Variants in MIR2052HG observed in about 807,000 individuals in gnomAD.
The protein encoded by MIR2052HG is MIR2052 host gene.
chr8:74,728,746 G>A (rs1022601792), intron 4 of MIR2052HG, among the ~76,000 whole-genome samples: 2 of 152,124 alleles, frequency 1.3e-5, no homozygotes, highest in Non-Finnish European at 2.9e-5. Context: ...AAAATACGGA[G>A]TATTCAAAGC....
chr8:74,694,714 A>G (rs1809278164), intron 2 of MIR2052HG, among the ~76,000 whole-genome samples: 1 of 152,194 alleles, frequency 6.6e-6, no homozygotes, highest in African/African-American at 2.4e-5. Context: ...AGTCTCAACA[A>G]TAGAATCAAA....
intron 5 of MIR2052HG, among the ~76,000 whole-genome samples, chr8:74,752,967 A>C (rs932069849): frequency 1.1e-4 from 17 of 152,236 alleles, no homozygotes; most frequent in African/African-American, 4.1e-4. Flanking sequence ...TTAGCTCTGC[A>C]GACTGAAAGA....
At chr8:74,619,693 G>A (rs1356283551) in intron 2 of MIR2052HG, among the ~76,000 whole-genome samples, 1 of 152,142 alleles carries the variant, frequency 6.6e-6, no homozygotes, top group African/African-American at 2.4e-5. Flanking sequence ...AAGGGAAACA[G>A]CCCCTATGAT....
At chr8:74,744,478 C>G (rs112237735) in intron 4 of MIR2052HG, among the ~76,000 whole-genome samples, 19 of 151,530 alleles carry the variant, frequency 1.3e-4, no homozygotes, top group African/African-American at 4.1e-4. Context: ...GTCCCCCCTC[C>G]CCCTACCCCA....
At chr8:74,604,795 CAT>C (rs1808088242) in intron 1 of MIR2052HG, among the ~76,000 whole-genome samples, 1 of 151,766 alleles carries the variant, frequency 6.6e-6, no homozygotes, top group Admixed American at 6.6e-5. Context: ...GGTTTCACCA[CAT>C]TAGTCAGGCT....
chr8:74,675,823 A>G (rs148420494), intron 2 of MIR2052HG, among the ~76,000 whole-genome samples: 1,661 of 152,082 alleles, frequency 0.011, 24 homozygotes, highest in African/African-American at 0.032. Context: ...CTGAAATCAC[A>G]CTATCTAATG....
chr8:74,677,673 T>C (rs554709944), intron 2 of MIR2052HG, among the ~76,000 whole-genome samples: 22 of 152,152 alleles, frequency 1.4e-4, no homozygotes, highest in Non-Finnish European at 1.8e-4. Context: ...TCAAGACTTA[T>C]AGTATAGTAT....
intron 4 of MIR2052HG, among the ~76,000 whole-genome samples, chr8:74,743,310 T>C (rs1243307200): frequency 6.6e-6 from 1 of 152,180 alleles, no homozygotes; most frequent in South Asian, 2.1e-4. Context: ...AGTGAGGTTA[T>C]AGCATGTTTG....
At chr8:74,681,503 T>C (rs1051005935) in intron 2 of MIR2052HG, among the ~76,000 whole-genome samples, 1 of 152,118 alleles carries the variant, frequency 6.6e-6, no homozygotes, top group South Asian at 2.1e-4. Flanking sequence ...GCAACTACCA[T>C]GGTTTCAATT....
At chr8:74,706,526 A>G (rs915433288) in intron 4 of MIR2052HG, among the ~76,000 whole-genome samples, 16 of 152,106 alleles carry the variant, frequency 1.1e-4, no homozygotes, top group Admixed American at 8.5e-4. Flanking sequence ...TGTTAGTCCA[A>G]CTCCCAAGAT....
intron 4 of MIR2052HG, among the ~76,000 whole-genome samples, chr8:74,714,698 C>CTTTTTTTTTTTTTTTTTTT (rs10715580): frequency 8.0e-6 from 1 of 124,440 alleles, no homozygotes. Flanking sequence ...CTTTTTCCTT[C>CTTTTTTTTTTTTTTTTTTT]TTTTTTTTTT....
At chr8:74,745,264 A>C (rs1809872161) in intron 4 of MIR2052HG, among the ~76,000 whole-genome samples, 1 of 152,170 alleles carries the variant, frequency 6.6e-6, no homozygotes, top group Non-Finnish European at 1.5e-5. Flanking sequence ...CCTCATCTCA[A>C]AAACAAAGCA....
Position 74,755,221 on chromosome 8 carries a change from T to G in MIR2052HG, n.464+2688T>G, listed in dbSNP as rs1021978640. Among the ~76,000 whole-genome samples the G allele has an allele frequency of 4.6e-5, 7 of 152,376 alleles. No homozygotes were observed. In the East Asian group the frequency reaches 1.3e-3, roughly 29 times the overall value. On this transcript the variant is annotated intron_variant and non_coding_transcript_variant, in intron 5 of 6. Coordinates refer to ENST00000523442, the Ensembl canonical transcript of MIR2052HG. ...TTTTTAAAAAAATTCAACACAATTTTATTTTGGTCTTTACAGTGACGTTTA... is the reference window on the plus strand; with the variant it reads ...TTTTTAAAAAAATTCAACACAATTTGATTTTGGTCTTTACAGTGACGTTTA...
chr8:74,602,902 A>C (rs747623897), intron 1 of MIR2052HG, among the ~76,000 whole-genome samples: 2 of 66,122 alleles, frequency 3.0e-5, no homozygotes, highest in Non-Finnish European at 6.0e-5. Context: ...AAAAAGCTCC[A>C]GTCCATTTTT....
At chr8:74,669,406 C>T (rs1808966310) in intron 2 of MIR2052HG, among the ~76,000 whole-genome samples, 3 of 152,192 alleles carry the variant, frequency 2.0e-5, no homozygotes, top group Admixed American at 2.0e-4. Context: ...CTGGCATATG[C>T]CCATAAGTCT....
intron 2 of MIR2052HG, among the ~76,000 whole-genome samples, chr8:74,621,256 C>T (rs893768736): frequency 2.0e-5 from 3 of 152,188 alleles, no homozygotes; most frequent in African/African-American, 7.2e-5. Flanking sequence ...CCCACATTTT[C>T]CTGTCTTCTT....
At chr8:74,635,669 C>CGT (rs1236897388) in intron 2 of MIR2052HG, among the ~76,000 whole-genome samples, 3 of 152,120 alleles carry the variant, frequency 2.0e-5, no homozygotes, top group African/African-American at 7.2e-5. Context: ...ACACGTAATT[C>CGT]GTGGCTGGAT....
intron 4 of MIR2052HG, among the ~76,000 whole-genome samples, chr8:74,729,560 T>C (rs2128754709): frequency 6.6e-6 from 1 of 152,280 alleles, no homozygotes; most frequent in Non-Finnish European, 1.5e-5. Context: ...AATGGGTATT[T>C]CTTCTATATG....
chr8:74,641,920 G>A (rs1324532735), intron 2 of MIR2052HG, among the ~76,000 whole-genome samples: 1 of 152,066 alleles, frequency 6.6e-6, no homozygotes, highest in Non-Finnish European at 1.5e-5. Flanking sequence ...GAGGAAGATG[G>A]GGGCCTTGTG....
Sources: gnomAD v4.1 joint callset for allele counts (sites outside exome capture counted in the v4.1 genomes callset) on GRCh38, gnomAD v4.1.1 for gene constraint, MANE v1.5 for transcripts, NCBI Gene and HGNC (gene_info 2026-07-23, HGNC 2026-07-21) for gene names.